DSCAML1: variants seen among roughly 807,000 people sequenced by gnomAD.
The protein encoded by DSCAML1 is DS cell adhesion molecule like 1, also known as cell adhesion molecule DSCAML1.
Under a neutral mutation model 200.5 loss-of-function variants are expected in DSCAML1, and 38 were observed. The ratio of observed to expected loss-of-function variants is 0.19; its 90% CI spans 0.15 to 0.25. The LOEUF (loss-of-function observed/expected upper bound fraction) is 0.25, where lower values mean the gene tolerates loss of function less well. Among genes scored for constraint, DSCAML1 ranks in the 10% least tolerant of loss-of-function variants. The pLI, the probability that DSCAML1 is intolerant of heterozygous loss-of-function variation, is 1.00. For synonymous variants in DSCAML1, 1,215 were observed against 1,165.0 expected (o/e 1.04, Z -0.87); for missense variants, 2,223 against 2,858.8 (o/e 0.78, Z 5.07).
intron 1 of DSCAML1, among the ~76,000 whole-genome samples, chr11:117,789,291 C>G (rs2055416416): frequency 6.6e-6 from 1 of 152,206 alleles, no homozygotes; most frequent in Admixed American, 6.5e-5. Flanking sequence ...ACTCTTTAAT[C>G]TTCCAGCCCT....
intron 1 of DSCAML1, among the ~76,000 whole-genome samples, chr11:117,786,157 G>T (rs1183884398): frequency 1.3e-5 from 2 of 152,176 alleles, no homozygotes; most frequent in East Asian, 3.8e-4. Context: ...AGAGGAGGGG[G>T]AACACTTCAT....
chr11:117,738,649 A>G (rs1379874793), intron 3 of DSCAML1, among the ~76,000 whole-genome samples: 1 of 152,126 alleles, frequency 6.6e-6, no homozygotes, highest in African/African-American at 2.4e-5. Flanking sequence ...TTGCCCAGGC[A>G]TTTCTTCCTT....
Position 117,675,969 on chromosome 11 carries a change from G to C in DSCAML1, c.511+100822C>G, listed in dbSNP as rs181907639. Among the ~76,000 whole-genome samples, 13 of 152,268 alleles carry C rather than the reference G, an allele frequency of 8.5e-5. No homozygotes were observed. The East Asian group carries it at 1.9e-3, about 23-fold the overall frequency. On this transcript the variant is annotated intron_variant, in intron 3 of 32. Coordinates refer to ENST00000651296, the MANE Select transcript of DSCAML1 (RefSeq NM_020693.4). ...AGGGCTGGCTTTTTATGAGTTGGGG[G>C]CTGGGGATGTGAAGGGGAACTGGGA...
At chr11:117,545,317 G>A (rs1271431853) in intron 3 of DSCAML1, among the ~76,000 whole-genome samples, 3 of 152,030 alleles carry the variant, frequency 2.0e-5, no homozygotes, top group African/African-American at 7.2e-5. Context: ...CAGCGAGAAG[G>A]TGGCCATCTG....
intron 18 of DSCAML1, 69 bp downstream of exon 18, chr11:117,461,381 G>A (rs1444763232): frequency 1.4e-5 from 22 of 1,600,580 alleles, no homozygotes; most frequent in African/African-American, 4.0e-5. Context: ...CTCTAACTAC[G>A]CCTGGAAGCA....
chr11:117,748,123 A>G (rs1483518589), intron 3 of DSCAML1, among the ~76,000 whole-genome samples: 4 of 152,188 alleles, frequency 2.6e-5, no homozygotes, highest in Non-Finnish European at 5.9e-5. Flanking sequence ...CCTCCTACAC[A>G]ATATGGCGGC....
intron 3 of DSCAML1, among the ~76,000 whole-genome samples, chr11:117,714,435 A>G (rs2053910037): frequency 6.6e-6 from 1 of 152,170 alleles, no homozygotes; most frequent in Non-Finnish European, 1.5e-5. Context: ...CAGCAACAAG[A>G]GCCTAGAAGG....
In DSCAML1 at chr11:117,780,751, T is replaced by C; in HGVS notation, c.106A>G (p.Thr36Ala). The change falls in exon 2 of 33, where the codon ACC (threonine) becomes GCC (alanine). Residue 36 changes from threonine (T) to alanine (A), a missense_variant. Thr to Ala is a moderately conservative substitution (Grantham distance 58). This residue lies in a region of DSCAML1 where 579 missense variants were observed against 721.5 expected (regional missense o/e 0.80). Transcript: ENST00000651296. This position sits in a 1 kb window ranked among gnomAD's most constrained non-coding sequence, Gnocchi z 4.8. ...YFVNDSLQQVTFSSSVGVVVP... is the reference protein window; with the variant it reads ...YFVNDSLQQVAFSSSVGVVVP... ...ACCACCCCCACGGAGCTGGAAAAGG[T>C]CACCTGCTGCAAGGAGTCATTTACA... is the stretch of plus-strand genomic sequence containing the variant. 1 of 1,539,864 alleles carries C rather than the reference T, an allele frequency of 6.5e-7. No individual in the cohort carries two copies. The highest frequency in any genetic ancestry group is 2.1e-5 in the Admixed American group (1 of 47,688).
chr11:117,435,641 C>G lies in DSCAML1; in HGVS notation c.4876+3G>C, dbSNP rs371905121. 8 of 1,591,994 alleles carry G rather than the reference C, an allele frequency of 5.0e-6. No homozygotes were observed. Among genetic ancestry groups the G allele is most frequent in the Non-Finnish European group, 6.9e-6 (8 of 1,162,492 alleles). On this transcript the variant is annotated splice_donor_region_variant and intron_variant, in intron 27 of 32. Transcript: ENST00000651296. Reference sequence around the variant, plus strand: ...CTGGAAGGCCCATAGGAAGCTCCCCCACCTCGGAGTCGCTTCAGCCGTTTC... The same window carrying G: ...CTGGAAGGCCCATAGGAAGCTCCCCGACCTCGGAGTCGCTTCAGCCGTTTC...
chr11:117,552,883 G>A (rs1308356314), intron 3 of DSCAML1, among the ~76,000 whole-genome samples: 1 of 152,202 alleles, frequency 6.6e-6, no homozygotes, highest in African/African-American at 2.4e-5. Flanking sequence ...ACAGACCCGA[G>A]TGTCTGCTTA....
At position 117,544,732 on chromosome 11, in the gene DSCAML1, C is replaced by T. The variant is rs534729353; in HGVS notation, c.512-12210G>A. Reference sequence around the variant, plus strand: ...AGTGAAAAGCACATGAGATGTGAGTCGGGAACAGGGATTCAAGTCCCAGCT... The same window carrying T: ...AGTGAAAAGCACATGAGATGTGAGTTGGGAACAGGGATTCAAGTCCCAGCT... On this transcript the variant is annotated intron_variant, in intron 3 of 32. Coordinates refer to ENST00000651296, the MANE Select transcript of DSCAML1 (RefSeq NM_020693.4). Among the ~76,000 whole-genome samples, 6 of 152,300 alleles carry T rather than the reference C, an allele frequency of 3.9e-5. No individual in the cohort carries two copies. The South Asian group carries it at 6.2e-4, about 16-fold the overall frequency.
At chr11:117,769,546 T>TA (rs11371778) in intron 3 of DSCAML1, among the ~76,000 whole-genome samples, 550 of 3,102 alleles carry the variant, frequency 0.18, 65 homozygotes, top group Admixed American at 0.39. Flanking sequence ...ATATTATATA[T>TA]TTTATATATA....
At chr11:117,582,438 C>T (rs1258120586) in intron 3 of DSCAML1, among the ~76,000 whole-genome samples, 1 of 152,218 alleles carries the variant, frequency 6.6e-6, no homozygotes, top group Non-Finnish European at 1.5e-5. Context: ...TTCCTCCAGC[C>T]CACATGGTCC....
chr11:117,716,629 G>C (rs1402515484), intron 3 of DSCAML1, among the ~76,000 whole-genome samples: 1 of 152,130 alleles, frequency 6.6e-6, no homozygotes, highest in East Asian at 1.9e-4. Flanking sequence ...GATTCAGCCA[G>C]AGTAAGAATC....
In DSCAML1 at chr11:117,504,694, C is replaced by G. The variant is rs1040994445; in HGVS notation, c.2182+230G>C. ...AGAGGAGAGGTCGCGTCTGGGGGGA[C>G]AAGAGGAAATACGGAGTCAGCATGA... On this transcript the variant is annotated intron_variant, in intron 10 of 32. Transcript: ENST00000651296. The surrounding 1 kb of genome is among the most constrained non-coding windows in gnomAD (Gnocchi z 5.0). Among the ~76,000 whole-genome samples, 4 of 144,160 alleles carry G rather than the reference C, an allele frequency of 2.8e-5. No individual in the cohort carries two copies. Among genetic ancestry groups the G allele is most frequent in the African/African-American group, 9.9e-5 (4 of 40,212 alleles). The allele number at this position is 144,160 out of a possible 152,430, so 94.6% of individuals were successfully genotyped here.
At chr11:117,563,279 A>C (rs2050698124) in intron 3 of DSCAML1, among the ~76,000 whole-genome samples, 1 of 152,208 alleles carries the variant, frequency 6.6e-6, no homozygotes, top group Admixed American at 6.5e-5. Flanking sequence ...GGGGAAATAA[A>C]TCCCAAAGAA....
chr11:117,512,539 T>C (rs2049647622), intron 8 of DSCAML1, among the ~76,000 whole-genome samples: 1 of 151,936 alleles, frequency 6.6e-6, no homozygotes, highest in African/African-American at 2.4e-5. Flanking sequence ...TGCTTCTTGG[T>C]CCAGAGAGAA....
chr11:117,770,062 GACCTGGTCAC>G (rs2055009258), intron 3 of DSCAML1, among the ~76,000 whole-genome samples: 1 of 152,092 alleles, frequency 6.6e-6, no homozygotes, highest in East Asian at 1.9e-4. Flanking sequence ...CTGCCCTTCT[GACCTGGTCAC>G]AGACTCCAGG....
intron 3 of DSCAML1, among the ~76,000 whole-genome samples, chr11:117,735,555 A>G (rs1008846938): frequency 2.6e-5 from 4 of 152,198 alleles, no homozygotes; most frequent in Middle Eastern, 3.2e-3. Flanking sequence ...GCACATGAAA[A>G]AATAAAGCAA....
Sources: gnomAD v4.1 joint callset for allele counts (sites outside exome capture counted in the v4.1 genomes callset) on GRCh38, gnomAD v4.1.1 for gene constraint, gnomAD v4.1.1 regional missense constraint, Gnocchi (gnomAD v3.1) non-coding constraint, MANE v1.5 for transcripts, NCBI Gene and HGNC (gene_info 2026-07-23, HGNC 2026-07-21) for gene names.